LONP2: variants seen among roughly 807,000 people sequenced by gnomAD.
LONP2 encodes lon protease homolog 2, peroxisomal.
Under a neutral mutation model 85.6 loss-of-function variants are expected in LONP2, and 60 were observed. That is an observed-to-expected ratio of 0.70 (90% confidence interval 0.57 to 0.87). The LOEUF (loss-of-function observed/expected upper bound fraction) is 0.87, where lower values mean the gene tolerates loss of function less well. Among genes scored for constraint, LONP2 ranks in the 40% least tolerant of loss-of-function variants. The pLI, the probability that LONP2 is intolerant of heterozygous loss-of-function variation, is 0.00. For missense variants in LONP2, 860 were observed against 1,063.5 expected, an observed-to-expected ratio of 0.81 and a Z score of 2.66; for synonymous variants, 395 against 389.7, an observed-to-expected ratio of 1.01 and a Z score of -0.16.
chr16:48,316,166 C>A (rs1311161150), intron 11 of LONP2, among the ~76,000 whole-genome samples: 1 of 151,662 alleles, frequency 6.6e-6, no homozygotes, highest in Non-Finnish European at 1.5e-5. Context: ...TACCACCATA[C>A]CCAGCTAATT....
chr16:48,340,571 G>T (rs1253395316), intron 12 of LONP2, among the ~76,000 whole-genome samples: 5 of 152,138 alleles, frequency 3.3e-5, no homozygotes, highest in African/African-American at 4.8e-5. Flanking sequence ...TGGGAAGTAA[G>T]GTAAGAAGGC....
chr16:48,245,525 T>G (rs1971320908), intron 1 of LONP2, among the ~76,000 whole-genome samples: 1 of 152,086 alleles, frequency 6.6e-6, no homozygotes, highest in African/African-American at 2.4e-5. Flanking sequence ...CTCGTCAAAT[T>G]GAGATGATAG....
chr16:48,361,367 A>G (rs895260776), downstream of LONP2: 2 of 527,208 alleles, frequency 3.8e-6, no homozygotes, highest in African/African-American at 1.9e-5. Context: ...ATATACATAT[A>G]TTTTTTCAGT....
chr16:48,263,761 C>T (rs1209349094), intron 6 of LONP2, among the ~76,000 whole-genome samples: 1 of 152,178 alleles, frequency 6.6e-6, no homozygotes, highest in Non-Finnish European at 1.5e-5. Context: ...TGTATTTGAA[C>T]TTTTTTAGTA....
intron 11 of LONP2, among the ~76,000 whole-genome samples, chr16:48,321,827 C>T (rs1259488791): frequency 6.6e-6 from 1 of 152,202 alleles, no homozygotes; most frequent in East Asian, 1.9e-4. Flanking sequence ...CTGGAAGTAG[C>T]TCTGCGTGAG....
chr16:48,347,971 T>C, intron 13 of LONP2, 129 bp from the exon 14 acceptor site: 1 of 864,294 alleles, frequency 1.2e-6, no homozygotes, highest in East Asian at 2.6e-5. Flanking sequence ...ACCCAAATTG[T>C]ACTGTCCACC....
intron 1 of LONP2, chr16:48,247,394 C>A (rs1183625227): frequency 2.0e-5 from 3 of 149,976 alleles, no homozygotes; most frequent in Admixed American, 6.6e-5. Context: ...ATCCAGGTGA[C>A]GCTGGCACAG....
At chr16:48,338,418 G>C (rs1448232634) in intron 12 of LONP2, among the ~76,000 whole-genome samples, 1 of 152,186 alleles carries the variant, frequency 6.6e-6, no homozygotes, top group African/African-American at 2.4e-5. Flanking sequence ...GTCTGTTTTA[G>C]AGGTAGAAGT....
At chr16:48,261,835 C>G (rs1398717539) in intron 5 of LONP2, among the ~76,000 whole-genome samples, 3 of 151,986 alleles carry the variant, frequency 2.0e-5, no homozygotes, top group Non-Finnish European at 4.4e-5. Flanking sequence ...CTTTTCTTCT[C>G]TAGATTATAA....
At chr16:48,303,815 TC>T (rs1338049713) in intron 11 of LONP2, among the ~76,000 whole-genome samples, 2 of 152,020 alleles carry the variant, frequency 1.3e-5, no homozygotes, top group Admixed American at 6.6e-5. Context: ...GAACTTCGAG[TC>T]CAATATTCGA....
chr16:48,345,261 T>C (rs1371303896), intron 12 of LONP2: 1 of 152,242 alleles, frequency 6.6e-6, no homozygotes. Context: ...TTACTACTGC[T>C]TCTTCGGGGA....
intron 8 of LONP2, among the ~76,000 whole-genome samples, chr16:48,280,279 T>TA (rs1423224078): frequency 6.6e-6 from 1 of 152,322 alleles, no homozygotes; most frequent in East Asian, 1.9e-4. Context: ...ATTAGACACT[T>TA]ACAGTTATCC....
intron 7 of LONP2, among the ~76,000 whole-genome samples, chr16:48,274,996 A>C (rs188870204): frequency 6.6e-6 from 1 of 152,312 alleles, no homozygotes; most frequent in East Asian, 1.9e-4. Flanking sequence ...TCTGCTATAA[A>C]AGACATTTGC....
chr16:48,295,218 A>G (rs1972642482), intron 8 of LONP2, among the ~76,000 whole-genome samples: 1 of 152,184 alleles, frequency 6.6e-6, no homozygotes, highest in African/African-American at 2.4e-5. Context: ...CTAAAAATAC[A>G]AAAGTTAGCC....
intron 8 of LONP2, among the ~76,000 whole-genome samples, chr16:48,286,142 CTTT>C (rs112681466): frequency 2.2e-5 from 3 of 137,362 alleles, no homozygotes; most frequent in Non-Finnish European, 1.6e-5. Flanking sequence ...GATTTGTAAT[CTTT>C]TTTTTTTTTT....
intron 11 of LONP2, 149 bp downstream of exon 11, chr16:48,303,454 T>C: frequency 1.2e-6 from 1 of 823,870 alleles, no homozygotes; most frequent in South Asian, 1.7e-5. Context: ...AGTAATACCT[T>C]AATGTTTCAA....
At chr16:48,262,204 A>G (rs1971892560) in intron 5 of LONP2, among the ~76,000 whole-genome samples, 1 of 152,212 alleles carries the variant, frequency 6.6e-6, no homozygotes, top group South Asian at 2.1e-4. Flanking sequence ...TGCATATATT[A>G]TGGAAGTAGC....
At chr16:48,333,148 A>G (rs1309398867) in intron 11 of LONP2, among the ~76,000 whole-genome samples, 1 of 151,740 alleles carries the variant, frequency 6.6e-6, no homozygotes, top group Admixed American at 6.5e-5. Flanking sequence ...TCTACTCCCC[A>G]TTTTGGGTTT....
At chr16:48,266,909 AG>A (rs1421342985) in intron 6 of LONP2, among the ~76,000 whole-genome samples, 2 of 152,066 alleles carry the variant, frequency 1.3e-5, no homozygotes, top group Admixed American at 1.3e-4. Flanking sequence ...TGAGTAACAC[AG>A]GAAGACCCCA....
Sources: gnomAD v4.1 joint callset for allele counts (sites outside exome capture counted in the v4.1 genomes callset) on GRCh38, gnomAD v4.1.1 for gene constraint, MANE v1.5 for transcripts, NCBI Gene and HGNC (gene_info 2026-07-23, HGNC 2026-07-21) for gene names.